The following ABCC5 variants were observed in gnomAD, a reference collection of about 807,000 sequenced individuals.
ABCC5 encodes ATP-binding cassette sub-family C member 5.
Under a neutral mutation model 160.9 loss-of-function variants are expected in ABCC5, and 61 were observed. The observed-to-expected ratio is 0.38, with a 90% CI of 0.31 to 0.47. ABCC5 has a LOEUF of 0.47. Among genes scored for constraint, ABCC5 ranks in the 20% least tolerant of loss-of-function variants. The probability of loss-of-function intolerance (pLI) is 0.99; values close to 1 mark genes in which losing one functional copy is unlikely to be tolerated. For missense variants in ABCC5, 1,308 were observed against 1,813.3 expected (o/e 0.72, Z 5.06); for synonymous variants, 666 against 700.6 (o/e 0.95, Z 0.78).
chr3:183,990,715 G>A (rs1394959700), intron 2 of ABCC5, among the ~76,000 whole-genome samples: 1 of 152,174 alleles, frequency 6.6e-6, no homozygotes, highest in East Asian at 1.9e-4. Context: ...GATCTCATGA[G>A]CTGAAATATA....
At position 183,963,466 on chromosome 3, in the gene ABCC5, A is replaced by G; in HGVS notation, c.2154T>C (p.His718=). The part of the protein sequence containing the change: ...LDDPLSALDA[H]VGNHIFNSAI... Reference sequence around the variant, plus strand: ...CACTATTGAAGATGTGGTTGCCCACATGGGCATCTAAGGCACTGAGGGGGT... The same window carrying G: ...CACTATTGAAGATGTGGTTGCCCACGTGGGCATCTAAGGCACTGAGGGGGT... Residue 718 remains histidine (H), a synonymous_variant, in exon 15 of 30, where the codon CAT becomes CAC. Coordinates refer to ENST00000334444, the MANE Select transcript of ABCC5 (RefSeq NM_005688.4). The surrounding 1 kb of genome is among the most constrained non-coding windows in gnomAD (Gnocchi z 4.6). The G allele has an allele frequency of 1.2e-6, 2 of 1,614,246 alleles. No homozygotes were observed. The highest frequency in any genetic ancestry group is 1.7e-6 in the Non-Finnish European group (2 of 1,180,050).
chr3:183,972,565 C>T (rs1303431058), intron 10 of ABCC5, among the ~76,000 whole-genome samples: 1 of 152,226 alleles, frequency 6.6e-6, no homozygotes, highest in Non-Finnish European at 1.5e-5. Flanking sequence ...AAGGGTATCT[C>T]CCTGAGAAAC....
chr3:183,945,258 G>T (rs142642604), intron 24 of ABCC5, among the ~76,000 whole-genome samples: 82 of 152,306 alleles, frequency 5.4e-4, no homozygotes, highest in African/African-American at 1.5e-3. Context: ...TGCCAGTTAG[G>T]ACAGCAGCAA....
At chr3:183,956,532 A>T (rs1264206742) in intron 17 of ABCC5, among the ~76,000 whole-genome samples, 2 of 139,126 alleles carry the variant, frequency 1.4e-5, no homozygotes, top group Non-Finnish European at 3.1e-5. Flanking sequence ...TTACATGCAG[A>T]TCAGTGTGTA....
At chr3:184,002,700 A>G (rs1202010301) in intron 2 of ABCC5, among the ~76,000 whole-genome samples, 1 of 152,196 alleles carries the variant, frequency 6.6e-6, no homozygotes, top group African/African-American at 2.4e-5. Flanking sequence ...CAGGGCAACC[A>G]AGGGCTTTTC....
intron 5 of ABCC5, chr3:183,983,940 G>A (rs908932531): frequency 8.1e-6 from 8 of 985,298 alleles, no homozygotes; most frequent in Non-Finnish European, 8.4e-6. Context: ...ACGACACACA[G>A]TAGAAATAGA....
chr3:184,011,560 G>A (rs1721745218), intron 2 of ABCC5: 1 of 152,136 alleles, frequency 6.6e-6, no homozygotes, highest in African/African-American at 2.4e-5. Flanking sequence ...TTAATCCAGA[G>A]AAATAAAAGC....
chr3:183,961,786 A>ATTT, intron 15 of ABCC5, 132 bp from the exon 16 acceptor site: 2 of 939,536 alleles, frequency 2.1e-6, no homozygotes, highest in South Asian at 2.0e-5. Flanking sequence ...ATCTGGAGAC[A>ATTT]TTTTTTTTTT....
In ABCC5 at chr3:183,987,642, A is replaced by C; in HGVS notation, c.591+128T>G. ...AAAATCCATCGACCCCTTTCAACAG[A>C]CCTGAAGGCATCTCTAAGACTGCTA... On this transcript the variant is annotated intron_variant, in intron 5 of 29. Transcript: ENST00000334444. The surrounding 1 kb of genome is among the most constrained non-coding windows in gnomAD (Gnocchi z 4.2). 2 of 1,290,430 alleles carry C rather than the reference A, an allele frequency of 1.5e-6. No homozygotes were observed. Among genetic ancestry groups the C allele is most frequent in the South Asian group, 2.5e-5 (2 of 79,456 alleles). 79.9% of individuals were successfully genotyped at this position (1,290,430 alleles called of 1,614,324 possible).
At chr3:183,970,075 A>C (rs1303543938) in intron 11 of ABCC5, among the ~76,000 whole-genome samples, 2 of 152,172 alleles carry the variant, frequency 1.3e-5, no homozygotes, top group African/African-American at 4.8e-5. Flanking sequence ...GATCCTCTTC[A>C]TACATAAGTC....
At chr3:183,971,458 C>T (rs894947316) in intron 11 of ABCC5, 105 bp downstream of exon 11, 1 of 1,105,422 alleles carries the variant, frequency 9.0e-7, no homozygotes, top group Non-Finnish European at 1.3e-6. Context: ...AAAATCACTC[C>T]TAGCCACAAA....
At chr3:183,926,376 C>T (rs1178942764) in intron 28 of ABCC5, among the ~76,000 whole-genome samples, 1 of 150,334 alleles carries the variant, frequency 6.7e-6, no homozygotes, top group African/African-American at 2.4e-5. Flanking sequence ...ATGGTGAAAA[C>T]CTGTCTCTAC....
At chr3:184,006,632 T>C (rs1477249083) in intron 2 of ABCC5, among the ~76,000 whole-genome samples, 3 of 152,234 alleles carry the variant, frequency 2.0e-5, no homozygotes, top group South Asian at 2.1e-4. Flanking sequence ...TTACTTTTTT[T>C]CTACAACTTT....
chr3:183,974,537 G>A (rs1307944123), intron 10 of ABCC5, among the ~76,000 whole-genome samples: 2 of 152,158 alleles, frequency 1.3e-5, no homozygotes, highest in African/African-American at 2.4e-5. Context: ...TCGAACTCCT[G>A]GCCTCAAGAG....
At position 183,946,354 on chromosome 3, in the gene ABCC5, G is replaced by A. The variant is rs372256699; in HGVS notation, c.3415-415C>T. ...AATCAGATACATAATGCTGGGAAAT[G>A]AGTGAGTCTGGAGCCCCTGTGCTCC... On this transcript the variant is annotated intron_variant, in intron 23 of 29. Coordinates refer to ENST00000334444, the MANE Select transcript of ABCC5 (RefSeq NM_005688.4). Among the ~76,000 whole-genome samples the A allele has an allele frequency of 1.2e-4, 18 of 152,286 alleles. No homozygotes were observed. The East Asian group carries it at 2.3e-3, about 20-fold the overall frequency.
At chr3:183,981,644 C>T in intron 8 of ABCC5, 83 bp downstream of exon 8, 2 of 1,483,378 alleles carry the variant, frequency 1.3e-6, no homozygotes. Flanking sequence ...GTAATGTGCT[C>T]AGAAAGCAAA....
chr3:184,007,016 C>CTTTTTTTTTT (rs376229755), intron 2 of ABCC5, among the ~76,000 whole-genome samples: 3 of 81,138 alleles, frequency 3.7e-5, no homozygotes, highest in African/African-American at 5.3e-5. Flanking sequence ...TTTACTTCTG[C>CTTTTTTTTTT]TTTTTTTTTT....
rs375876095 is a variant in ABCC5, at chr3:183,988,764, A to G, written c.288-37T>C. On this transcript the variant is annotated intron_variant, in intron 3 of 29. Coordinates refer to ENST00000334444, the MANE Select transcript of ABCC5 (RefSeq NM_005688.4). This position sits in a 1 kb window ranked among gnomAD's most constrained non-coding sequence, Gnocchi z 4.4. ...AAACCGAAATCACAAAGCTATCAAC[A>G]CGCACGGAGAGGGCAGCCCGTGTTT... 7.9e-5 allele frequency: 127 copies of G among 1,602,346 alleles called. No individual in the cohort carries two copies. Among genetic ancestry groups the G allele is most frequent in the Non-Finnish European group, 1.0e-4 (119 of 1,174,836 alleles).
At chr3:183,976,792 A>G (rs1032219082) in intron 10 of ABCC5, among the ~76,000 whole-genome samples, 1 of 152,094 alleles carries the variant, frequency 6.6e-6, no homozygotes, top group Non-Finnish European at 1.5e-5. Flanking sequence ...GGGACATAGG[A>G]GCTAATCTAT....
Sources: gnomAD v4.1 joint callset for allele counts (sites outside exome capture counted in the v4.1 genomes callset) on GRCh38, gnomAD v4.1.1 for gene constraint, Gnocchi (gnomAD v3.1) non-coding constraint, MANE v1.5 for transcripts, NCBI Gene and HGNC (gene_info 2026-07-23, HGNC 2026-07-21) for gene names.